Variants in TMEM68 observed in about 807,000 individuals in gnomAD.
TMEM68 encodes transmembrane protein 68.
A neutral mutation model predicts 36.9 loss-of-function variants in TMEM68; 25 were observed. That is an observed-to-expected ratio of 0.68 (90% CI 0.49 to 0.95). TMEM68 has a LOEUF of 0.95. Ranked by LOEUF, TMEM68 falls within the 40% of genes least tolerant of loss-of-function variation. The probability of loss-of-function intolerance (pLI) is 0.00; values close to 1 mark genes in which losing one functional copy is unlikely to be tolerated. For missense variants in TMEM68, 333 were observed against 392.0 expected (o/e 0.85, Z 1.27); for synonymous variants, 131 against 124.4 (o/e 1.05, Z -0.35).
At chr8:55,757,064 G>A (rs1810628709) in intron 3 of TMEM68, among the ~76,000 whole-genome samples, 2 of 152,168 alleles carry the variant, frequency 1.3e-5, no homozygotes, top group Non-Finnish European at 2.9e-5. Context: ...ACGGGAGCCA[G>A]GTTTCACTGT....
In TMEM68 at chr8:55,745,114, A is replaced by C; in HGVS notation, c.695T>G (p.Ile232Ser). 1 of 1,492,054 alleles carries C rather than the reference A, an allele frequency of 6.7e-7. No homozygotes were observed. 92.4% of individuals were successfully genotyped at this position (1,492,054 alleles called of 1,614,324 possible). The change falls in exon 6 of 8, where the codon ATT becomes AGT. Residue 232 changes from isoleucine (I) to serine (S), a missense_variant. Coordinates refer to ENST00000434581, the MANE Select transcript of TMEM68 (RefSeq NM_001286657.2). ...QVAIDAKVPI[I>S]PMFTQNIREG... ...TCGAATATTTTGTGTAAACATAGGA[A>C]TAATGGGCTAAAGAAAAGGAGAATT...
chr8:55,740,344 T>C (rs1485017662), intron 7 of TMEM68, 126 bp from the exon 8 acceptor site: 1 of 658,034 alleles, frequency 1.5e-6, no homozygotes, highest in African/African-American at 1.8e-5. Context: ...TTTCTCTTTT[T>C]TATAGAGATG....
At chr8:55,762,394 C>G in intron 3 of TMEM68, 1 of 495,198 alleles carries the variant, frequency 2.0e-6, no homozygotes, top group Non-Finnish European at 3.3e-6. Flanking sequence ...TTTCTTATTT[C>G]AACTTATAGT....
At chr8:55,746,424 ATTT>A (rs1668201882) in intron 5 of TMEM68, 1 of 151,194 alleles carries the variant, frequency 6.6e-6, no homozygotes, top group Admixed American at 6.6e-5. Context: ...GATTCAGTAT[ATTT>A]TTAATAATGA....
intron 5 of TMEM68, among the ~76,000 whole-genome samples, chr8:55,750,386 A>G (rs1810394656): frequency 6.6e-6 from 1 of 152,194 alleles, no homozygotes; most frequent in African/African-American, 2.4e-5. Flanking sequence ...TTTTTCTGAC[A>G]ATCAGAATTA....
chr8:55,754,909 T>C (rs1199208807), intron 4 of TMEM68, among the ~76,000 whole-genome samples: 3 of 116,598 alleles, frequency 2.6e-5, no homozygotes, highest in African/African-American at 1.0e-4. Flanking sequence ...ACATATATTA[T>C]ATATTATATA....
intron 5 of TMEM68, chr8:55,747,802 T>C (rs1473983454): frequency 6.6e-6 from 1 of 152,196 alleles, no homozygotes. Flanking sequence ...TAAATAGTTA[T>C]AAAATGTCTT....
At chr8:55,766,462 C>T (rs1050988570) in intron 1 of TMEM68, among the ~76,000 whole-genome samples, 31 of 150,618 alleles carry the variant, frequency 2.1e-4, no homozygotes, top group South Asian at 2.1e-4. Context: ...CTGCAATCTC[C>T]GCCTCCCGGG....
intron 7 of TMEM68, among the ~76,000 whole-genome samples, 178 bp from the exon 8 acceptor site, chr8:55,740,396 G>T (rs1162235048): frequency 6.6e-6 from 1 of 152,076 alleles, no homozygotes; most frequent in African/African-American, 2.4e-5. Context: ...AACTCCTGGG[G>T]CTCAAGCAAT....
At chr8:55,771,739 G>C (rs1364686431) in intron 1 of TMEM68, among the ~76,000 whole-genome samples, 1 of 152,126 alleles carries the variant, frequency 6.6e-6, no homozygotes, top group Non-Finnish European at 1.5e-5. Context: ...CCAATTAAAA[G>C]ATATAGTCAC....
At chr8:55,768,143 T>TAA (rs75152350) in intron 1 of TMEM68, among the ~76,000 whole-genome samples, 34 of 139,248 alleles carry the variant, frequency 2.4e-4, no homozygotes, top group African/African-American at 7.7e-4. Flanking sequence ...GAGACAGCTT[T>TAA]AAAAAAAAAA....
At chr8:55,764,604 G>A (rs958144393) in intron 1 of TMEM68, among the ~76,000 whole-genome samples, 3 of 152,092 alleles carry the variant, frequency 2.0e-5, no homozygotes, top group Non-Finnish European at 4.4e-5. Context: ...TTATTAGGAG[G>A]GCAGGCACTG....
intron 7 of TMEM68, among the ~76,000 whole-genome samples, chr8:55,741,866 G>T (rs1024541455): frequency 6.6e-6 from 1 of 151,908 alleles, no homozygotes; most frequent in Admixed American, 6.6e-5. Flanking sequence ...CATAGACTTT[G>T]AGTATATAAA....
intron 3 of TMEM68, chr8:55,760,827 A>G (rs765832674): frequency 2.0e-5 from 3 of 152,224 alleles, no homozygotes; most frequent in Admixed American, 6.5e-5. Context: ...TTTCCATATT[A>G]TATCATTTCT....
At chr8:55,749,845 A>G (rs1192345979) in intron 5 of TMEM68, among the ~76,000 whole-genome samples, 2 of 152,206 alleles carry the variant, frequency 1.3e-5, no homozygotes, top group South Asian at 2.1e-4. Flanking sequence ...TAAACTTTCT[A>G]AAGTTTTATA....
At chr8:55,769,557 C>A (rs980132496) in intron 1 of TMEM68, among the ~76,000 whole-genome samples, 1 of 151,866 alleles carries the variant, frequency 6.6e-6, no homozygotes, top group Non-Finnish European at 1.5e-5. Context: ...AGAAAACATA[C>A]GAAAAACACT....
At chr8:55,764,360 T>C (rs1048091485) in intron 1 of TMEM68, among the ~76,000 whole-genome samples, 1 of 152,256 alleles carries the variant, frequency 6.6e-6, no homozygotes, top group Admixed American at 6.5e-5. Flanking sequence ...ACAATTATAT[T>C]AGCCCTATGA....
intron 1 of TMEM68, among the ~76,000 whole-genome samples, chr8:55,766,790 C>CAT (rs1810976028): frequency 1.3e-5 from 2 of 152,146 alleles, no homozygotes; most frequent in Admixed American, 1.3e-4. Flanking sequence ...ATATACTACA[C>CAT]AGGCAGCAAA....
chr8:55,765,163 TA>T (rs1427055410), intron 1 of TMEM68, among the ~76,000 whole-genome samples: 2 of 152,202 alleles, frequency 1.3e-5, no homozygotes, highest in African/African-American at 4.8e-5. Context: ...TCAGAACTAC[TA>T]AAAAGGTCTT....
Sources: allele counts gnomAD v4.1 joint callset (sites outside exome capture counted in the v4.1 genomes callset), GRCh38; gene constraint gnomAD v4.1.1; transcripts MANE v1.5; gene names NCBI Gene and HGNC (gene_info 2026-07-23, HGNC 2026-07-21).